Variants in HNRNPC observed in about 807,000 individuals in gnomAD.
HNRNPC encodes heterogeneous nuclear ribonucleoproteins C1/C2.
A neutral mutation model predicts 33.2 loss-of-function variants in HNRNPC; 3 were observed. That is an observed-to-expected ratio of 0.09 (90% CI 0.04 to 0.23). HNRNPC has a LOEUF of 0.23. Ranked by LOEUF, HNRNPC falls within the 10% of genes least tolerant of loss-of-function variation. The pLI, the probability that HNRNPC is intolerant of heterozygous loss-of-function variation, is 1.00. For missense variants in HNRNPC, 143 were observed against 366.7 expected (o/e 0.39, Z 4.98); for synonymous variants, 121 against 126.7 (o/e 0.96, Z 0.30).
intron 2 of HNRNPC, among the ~76,000 whole-genome samples, chr14:21,252,424 C>T (rs1026829715): frequency 1.3e-5 from 2 of 152,184 alleles, no homozygotes; most frequent in Non-Finnish European, 2.9e-5. Flanking sequence ...GATCCTTCTG[C>T]CTCAGACTTC....
intron 5 of HNRNPC, among the ~76,000 whole-genome samples, chr14:21,225,926 T>C (rs1223763663): frequency 1.3e-5 from 2 of 152,150 alleles, no homozygotes. Context: ...TATCTAGATA[T>C]AGTTTTAGTA....
At chr14:21,238,437 G>A (rs1037383987) in intron 2 of HNRNPC, among the ~76,000 whole-genome samples, 11 of 152,286 alleles carry the variant, frequency 7.2e-5, no homozygotes, top group African/African-American at 2.4e-4. Context: ...TACTCTGCTT[G>A]TGATTAATCT....
chr14:21,212,015 C>T, intron 6 of HNRNPC, 92 bp from the exon 7 acceptor site: 1 of 956,088 alleles, frequency 1.0e-6, no homozygotes, highest in East Asian at 2.4e-5. Flanking sequence ...CAGGAGCTCA[C>T]AGGAGATACC....
At chr14:21,231,802 T>C (rs1007137814) in intron 3 of HNRNPC, among the ~76,000 whole-genome samples, 1 of 152,206 alleles carries the variant, frequency 6.6e-6, no homozygotes, top group Non-Finnish European at 1.5e-5. Context: ...CAGTTACTAT[T>C]ACAAGAGAAA....
In HNRNPC at chr14:21,268,174, T is replaced by C. The variant is rs796199685; in HGVS notation, c.-63+1124A>G. ...AATGTGACACTAAAGATCTAAACAATTTTTTTTAACTTTTAAGTTTTTTAT... is the reference window on the plus strand; with the variant it reads ...AATGTGACACTAAAGATCTAAACAACTTTTTTTAACTTTTAAGTTTTTTAT... On this transcript the variant is annotated intron_variant, in intron 1 of 8. Coordinates refer to ENST00000553300, the MANE Select transcript of HNRNPC (RefSeq NM_004500.4). 1.3e-4 allele frequency among the ~76,000 whole-genome samples: 20 copies of C among 152,094 alleles called. 1 individual carries two copies. Among genetic ancestry groups the C allele is most frequent in the African/African-American group, 4.8e-4 (20 of 41,484 alleles).
intron 2 of HNRNPC, among the ~76,000 whole-genome samples, chr14:21,256,290 A>G (rs1244832579): frequency 6.6e-6 from 1 of 152,184 alleles, no homozygotes; most frequent in East Asian, 1.9e-4. Context: ...TACTAAAAAT[A>G]AAAAACAAAT....
At chr14:21,223,318 G>A (rs8009894) in intron 5 of HNRNPC, among the ~76,000 whole-genome samples, 52,260 of 151,924 alleles carry the variant, frequency 0.34, 9,192 homozygotes, top group Admixed American at 0.39. Context: ...AATCAAGACC[G>A]CTCAACTCAG....
chr14:21,224,743 C>T (rs1046375284), intron 5 of HNRNPC, among the ~76,000 whole-genome samples: 1 of 152,150 alleles, frequency 6.6e-6, no homozygotes, highest in Non-Finnish European at 1.5e-5. Context: ...TTACAATTTA[C>T]TTTACAGCTG....
At chr14:21,245,424 G>C (rs183569551) in intron 2 of HNRNPC, among the ~76,000 whole-genome samples, 34 of 152,238 alleles carry the variant, frequency 2.2e-4, no homozygotes, top group Admixed American at 2.0e-3. Flanking sequence ...TTGAACCCGG[G>C]GGGTGGAGGT....
chr14:21,216,241 A>G (rs1378978474), intron 5 of HNRNPC, among the ~76,000 whole-genome samples: 5 of 152,198 alleles, frequency 3.3e-5, no homozygotes, highest in Non-Finnish European at 7.3e-5. Flanking sequence ...AATTCTGACC[A>G]TAAGACATTA....
At chr14:21,244,227 G>A (rs1254247385) in intron 2 of HNRNPC, among the ~76,000 whole-genome samples, 4 of 152,234 alleles carry the variant, frequency 2.6e-5, no homozygotes, top group East Asian at 3.9e-4. Flanking sequence ...TCCAACTCCT[G>A]ACCTCAGGTG....
intron 1 of HNRNPC, among the ~76,000 whole-genome samples, chr14:21,266,864 G>A (rs989785135): frequency 2.6e-5 from 4 of 151,826 alleles, no homozygotes; most frequent in East Asian, 1.9e-4. Flanking sequence ...GCCAAGGCAG[G>A]AGGACTCCCT....
At chr14:21,250,036 T>A (rs932532764) in intron 2 of HNRNPC, among the ~76,000 whole-genome samples, 6 of 152,136 alleles carry the variant, frequency 3.9e-5, no homozygotes, top group African/African-American at 1.4e-4. Flanking sequence ...TGATAATCTA[T>A]ATGAATGAAA....
intron 5 of HNRNPC, among the ~76,000 whole-genome samples, chr14:21,219,180 A>G (rs1423146218): frequency 6.6e-6 from 1 of 152,186 alleles, no homozygotes. Flanking sequence ...CATTTTATCA[A>G]CATAGAAGAG....
At chr14:21,261,898 C>A (rs1878312254) in intron 2 of HNRNPC, among the ~76,000 whole-genome samples, 1 of 152,180 alleles carries the variant, frequency 6.6e-6, no homozygotes, top group African/African-American at 2.4e-5. Context: ...CTACACCATT[C>A]CTGTGAATAA....
Position 21,230,316 on chromosome 14 carries a change from T to C in HNRNPC, c.365+3A>G. The stretch of plus-strand genomic sequence containing the variant: ...AGCAGAAATACAAAACATTTTAACA[T>C]ACCTATCATAATAGTCCCGTTGAAA... On this transcript the variant is annotated splice_donor_region_variant and intron_variant, in intron 5 of 8. Coordinates refer to ENST00000553300, the MANE Select transcript of HNRNPC (RefSeq NM_004500.4). 6.3e-7 allele frequency: 1 copy of C among 1,597,614 alleles called. No homozygotes were observed. Among genetic ancestry groups the C allele is most frequent in the African/African-American group, 1.3e-5 (1 of 74,628 alleles).
At chr14:21,246,862 G>A (rs1237823890) in intron 2 of HNRNPC, among the ~76,000 whole-genome samples, 1 of 152,158 alleles carries the variant, frequency 6.6e-6, no homozygotes, top group Non-Finnish European at 1.5e-5. Flanking sequence ...GAAGACATTT[G>A]TGATGATTTA....
At chr14:21,257,561 GAAA>G (rs747115106) in intron 2 of HNRNPC, among the ~76,000 whole-genome samples, 1 of 138,712 alleles carries the variant, frequency 7.2e-6, no homozygotes, top group Non-Finnish European at 1.6e-5. Flanking sequence ...ATAAGTCTTA[GAAA>G]AAAAAAAAAG....
chr14:21,262,986 A>G (rs1878472117), intron 2 of HNRNPC: 3 of 152,150 alleles, frequency 2.0e-5, no homozygotes, highest in South Asian at 4.1e-4. Context: ...AATTCTTTTC[A>G]GTGTGGGGAA....
Sources: gnomAD v4.1 joint callset for allele counts (sites outside exome capture counted in the v4.1 genomes callset) on GRCh38, gnomAD v4.1.1 for gene constraint, MANE v1.5 for transcripts, NCBI Gene and HGNC (gene_info 2026-07-23, HGNC 2026-07-21) for gene names.